The following PHKB variants were observed in gnomAD, a reference collection of about 807,000 sequenced individuals.
PHKB encodes the protein phosphorylase kinase regulatory subunit beta.
PHKB carries 122 observed loss-of-function variants against 152.1 expected under a neutral mutation model. The ratio of observed to expected loss-of-function variants is 0.80; its 90% CI spans 0.69 to 0.93. The LOEUF (loss-of-function observed/expected upper bound fraction) is 0.93, where lower values mean the gene tolerates loss of function less well. Ranked by LOEUF, PHKB falls within the 40% of genes least tolerant of loss-of-function variation. The pLI is 0.00. For synonymous variants in PHKB, 436 were observed against 464.9 expected (o/e 0.94, Z 0.80); for missense variants, 1,304 against 1,328.4 (o/e 0.98, Z 0.29).
intron 20 of PHKB, among the ~76,000 whole-genome samples, chr16:47,658,008 G>A (rs1973369245): frequency 6.6e-6 from 1 of 152,062 alleles, no homozygotes; most frequent in Non-Finnish European, 1.5e-5. Context: ...TGCTCTACCT[G>A]GTCATAAGCA....
At chr16:47,646,669 A>G (rs919844679) in intron 16 of PHKB, among the ~76,000 whole-genome samples, 1 of 151,938 alleles carries the variant, frequency 6.6e-6, no homozygotes, top group African/African-American at 2.4e-5. Context: ...GTAGTTTAAA[A>G]ATAAAATGAA....
At position 47,649,187 on chromosome 16, in the gene PHKB, C is replaced by T; in HGVS notation, c.1780C>T (p.Leu594=). 2 of 1,584,234 alleles carry T rather than the reference C, an allele frequency of 1.3e-6. No homozygotes were observed. Among genetic ancestry groups the T allele is most frequent in the Non-Finnish European group, 1.7e-6 (2 of 1,152,816 alleles). ...DFYMSQDVFL[L]IDDIKNALQF... ...CTACATGTCTCAGGATGTTTTCCTG[C>T]TGATAGATGACATAAAGGTAGCTTC... The change falls in exon 18 of 31, where the codon CTG becomes TTG. Residue 594 remains leucine (L), a synonymous_variant. Transcript: ENST00000323584.
intron 1 of PHKB, among the ~76,000 whole-genome samples, chr16:47,480,601 C>T (rs1969947606): frequency 6.6e-6 from 1 of 152,110 alleles, no homozygotes; most frequent in African/African-American, 2.4e-5. Flanking sequence ...GGCTGATTTC[C>T]ATTGTAGTTT....
At chr16:47,600,195 A>G (rs1488610609) in intron 13 of PHKB, among the ~76,000 whole-genome samples, 1 of 152,180 alleles carries the variant, frequency 6.6e-6, no homozygotes, top group Admixed American at 6.5e-5. Flanking sequence ...CTTCTATTCA[A>G]TTGTTAAAGA....
chr16:47,566,547 C>G, intron 7 of PHKB: 1 of 1,589,420 alleles, frequency 6.3e-7, no homozygotes, highest in South Asian at 1.1e-5. Flanking sequence ...ATTTAGTCCT[C>G]TAAAGAATTC....
chr16:47,580,126 A>G (rs1341993024), intron 7 of PHKB, among the ~76,000 whole-genome samples, 169 bp from the exon 8 acceptor site: 5 of 152,174 alleles, frequency 3.3e-5, no homozygotes, highest in African/African-American at 1.2e-4. Flanking sequence ...TAAAAAAGAA[A>G]AATTAAAATA....
intron 7 of PHKB, among the ~76,000 whole-genome samples, chr16:47,550,440 G>A (rs527566663): frequency 6.6e-6 from 1 of 152,150 alleles, no homozygotes; most frequent in Non-Finnish European, 1.5e-5. Flanking sequence ...TTAATACATA[G>A]TAATACTTGC....
chr16:47,461,624 A>G (rs1969559295), intron 1 of PHKB, among the ~76,000 whole-genome samples, 198 bp downstream of exon 1: 1 of 151,930 alleles, frequency 6.6e-6, no homozygotes, highest in Non-Finnish European at 1.5e-5. Flanking sequence ...AGCCAGCTCC[A>G]CTCTGCGTGT....
chr16:47,547,564 C>G lies in PHKB; in HGVS notation c.710+16C>G, dbSNP rs1224050102. 1 of 1,412,038 alleles carries G rather than the reference C, an allele frequency of 7.1e-7. No homozygotes were observed. The highest frequency in any genetic ancestry group is 1.4e-5 in the African/African-American group (1 of 70,822). 87.5% of individuals were successfully genotyped at this position (1,412,038 alleles called of 1,614,324 possible). ...TACATTCGAGGTAATTTGCTGATTT[C>G]TGAGGTTTTTTTTTTAAATTAAATG... On this transcript the variant is annotated intron_variant, in intron 7 of 30. Transcript: ENST00000323584.
intron 14 of PHKB, among the ~76,000 whole-genome samples, chr16:47,635,572 G>A (rs1220916313): frequency 6.6e-6 from 1 of 152,190 alleles, no homozygotes; most frequent in Non-Finnish European, 1.5e-5. Context: ...TAGATTTAAG[G>A]ATGGAGATCA....
At chr16:47,486,605 T>C (rs1416660721) in intron 1 of PHKB, among the ~76,000 whole-genome samples, 1 of 152,162 alleles carries the variant, frequency 6.6e-6, no homozygotes, top group Non-Finnish European at 1.5e-5. Flanking sequence ...TACAAGCCTC[T>C]TTCCTCTGCT....
chr16:47,574,167 G>A (rs962204618), intron 7 of PHKB, among the ~76,000 whole-genome samples: 7 of 152,102 alleles, frequency 4.6e-5, no homozygotes, highest in Admixed American at 2.6e-4. Context: ...TGACCCACCC[G>A]TTTCAGCCTC....
intron 14 of PHKB, among the ~76,000 whole-genome samples, chr16:47,618,378 A>T (rs922652698): frequency 6.6e-6 from 1 of 152,082 alleles, no homozygotes; most frequent in Non-Finnish European, 1.5e-5. Context: ...TGCTCTCTGG[A>T]ACTAGGAGCC....
At chr16:47,678,031 G>C (rs1396591493) in intron 26 of PHKB, among the ~76,000 whole-genome samples, 1 of 148,858 alleles carries the variant, frequency 6.7e-6, no homozygotes, top group Non-Finnish European at 1.5e-5. Flanking sequence ...TTCCTTTTTT[G>C]TCCTCGCAAT....
At chr16:47,615,820 T>G (rs1972504733) in intron 14 of PHKB, among the ~76,000 whole-genome samples, 1 of 152,236 alleles carries the variant, frequency 6.6e-6, no homozygotes, top group South Asian at 2.1e-4. Flanking sequence ...TTCTGTTCCT[T>G]TACTCATCTT....
chr16:47,527,150 A>G (rs1970782640), intron 6 of PHKB, among the ~76,000 whole-genome samples: 1 of 152,192 alleles, frequency 6.6e-6, no homozygotes, highest in Admixed American at 6.5e-5. Flanking sequence ...CACCTCCAAC[A>G]CTGGGAATTA....
chr16:47,632,307 T>G (rs1972841777), intron 14 of PHKB, among the ~76,000 whole-genome samples: 1 of 152,170 alleles, frequency 6.6e-6, no homozygotes, highest in Non-Finnish European at 1.5e-5. Flanking sequence ...GTGTAAAAGG[T>G]TGACTAGCCT....
At chr16:47,569,188 C>G (rs1971616928) in intron 7 of PHKB, among the ~76,000 whole-genome samples, 1 of 152,158 alleles carries the variant, frequency 6.6e-6, no homozygotes, top group African/African-American at 2.4e-5. Context: ...TGTTTGATGA[C>G]TATGGGTGCT....
At chr16:47,594,787 A>G (rs1177613775) in intron 12 of PHKB, among the ~76,000 whole-genome samples, 1 of 152,226 alleles carries the variant, frequency 6.6e-6, no homozygotes, top group Non-Finnish European at 1.5e-5. Flanking sequence ...CTCAAAAAAC[A>G]TAGCTGAATT....
Sources: gnomAD v4.1 joint callset for allele counts (sites outside exome capture counted in the v4.1 genomes callset) on GRCh38, gnomAD v4.1.1 for gene constraint, MANE v1.5 for transcripts, NCBI Gene and HGNC (gene_info 2026-07-23, HGNC 2026-07-21) for gene names.